FOCAD: variants seen among roughly 807,000 people sequenced by gnomAD.
FOCAD encodes focadhesin.
In FOCAD, 198 loss-of-function variants were observed where a neutral mutation model predicts 225.6. The ratio of observed to expected loss-of-function variants is 0.88; its 90% CI spans 0.78 to 0.99. The LOEUF (loss-of-function observed/expected upper bound fraction) is 0.99, where lower values mean the gene tolerates loss of function less well. Among genes scored for constraint, FOCAD ranks in the 50% least tolerant of loss-of-function variants. FOCAD has a pLI of 0.00. For missense variants in FOCAD, 2,713 were observed against 2,123.6 expected (o/e 1.28, Z -5.46); for synonymous variants, 897 against 755.0 (o/e 1.19, Z -3.08).
intron 20 of FOCAD, among the ~76,000 whole-genome samples, chr9:20,884,471 G>A (rs1012093119): frequency 1.3e-5 from 2 of 151,540 alleles, no homozygotes; most frequent in East Asian, 2.0e-4. Context: ...TAATTTTTGC[G>A]TTTTTAGTAG....
intron 7 of FOCAD, among the ~76,000 whole-genome samples, chr9:20,767,966 G>A (rs1327131540): frequency 1.3e-5 from 2 of 152,124 alleles, no homozygotes; most frequent in Admixed American, 6.6e-5. Context: ...TATGTCTAAT[G>A]TTTAAGTCTT....
At chr9:20,923,864 G>A in intron 25 of FOCAD, 96 bp downstream of exon 25, 3 of 882,140 alleles carry the variant, frequency 3.4e-6, no homozygotes, top group Middle Eastern at 2.8e-4. Flanking sequence ...TAGATTCTGT[G>A]ATTATGGCAC....
intron 10 of FOCAD, among the ~76,000 whole-genome samples, chr9:20,782,515 T>C (rs1332321): frequency 0.86 from 131,261 of 152,212 alleles, 56,644 homozygotes; most frequent in Admixed American, 0.91. Context: ...TTTTCAGTCT[T>C]GCTTTTCCTG....
At chr9:20,759,188 C>T (rs1829337594) in intron 6 of FOCAD, among the ~76,000 whole-genome samples, 1 of 152,172 alleles carries the variant, frequency 6.6e-6, no homozygotes, top group African/African-American at 2.4e-5. Context: ...AATGGCCATA[C>T]TGCCCAAGGC....
At chr9:20,805,282 G>T (rs1822300505) in intron 11 of FOCAD, among the ~76,000 whole-genome samples, 1 of 152,184 alleles carries the variant, frequency 6.6e-6, no homozygotes, top group Non-Finnish European at 1.5e-5. Context: ...ATTTTCAGAA[G>T]TGAATGAATA....
intron 19 of FOCAD, chr9:20,875,813 T>C (rs1412828923): frequency 6.6e-6 from 1 of 152,170 alleles, no homozygotes; most frequent in Non-Finnish European, 1.5e-5. Flanking sequence ...AAAAGTTATT[T>C]ACAAATTCCT....
intron 2 of FOCAD, 121 bp from the exon 3 acceptor site, chr9:20,717,673 C>A: frequency 1.4e-6 from 1 of 712,322 alleles, no homozygotes; most frequent in Non-Finnish European, 2.3e-6. Flanking sequence ...ATAGCACACA[C>A]TTAGTTAATG....
At chr9:20,975,479 A>G (rs1476454121) in intron 35 of FOCAD, among the ~76,000 whole-genome samples, 3 of 152,202 alleles carry the variant, frequency 2.0e-5, no homozygotes. Flanking sequence ...AAGGTACAGA[A>G]TGCAGTCTAG....
At chr9:20,916,487 G>A (rs1044964252) in intron 23 of FOCAD, among the ~76,000 whole-genome samples, 3 of 152,198 alleles carry the variant, frequency 2.0e-5, no homozygotes, top group African/African-American at 7.2e-5. Flanking sequence ...GTCTTAGTCA[G>A]TTTGGGCTTC....
chr9:20,929,251 C>T (rs374610572), intron 26 of FOCAD, 107 bp from the exon 27 acceptor site: 144 of 789,240 alleles, frequency 1.8e-4, no homozygotes, highest in Non-Finnish European at 2.8e-4. Flanking sequence ...GGGTGTCGGC[C>T]GGGGTGGATC....
intron 11 of FOCAD, among the ~76,000 whole-genome samples, chr9:20,798,515 C>A (rs1291691993): frequency 6.6e-6 from 1 of 152,192 alleles, no homozygotes; most frequent in Non-Finnish European, 1.5e-5. Flanking sequence ...ATTATTTCCT[C>A]AATTTCAGAG....
rs1820770938 is a variant in FOCAD at position 20,793,646 on chromosome 9, TGAG to T, written c.1455+4042_1455+4044del. ...GCATCAGAAAGGATGGAGTGGAGTT[TGAG>T]GAGAAGGAGTCCAAAACTGCATTCA... On this transcript the variant is annotated intron_variant, in intron 11 of 43. Coordinates refer to ENST00000338382, the MANE Select transcript of FOCAD (RefSeq NM_001375567.1). Among the ~76,000 whole-genome samples the T allele has an allele frequency of 5.9e-5, 9 of 152,244 alleles. No homozygotes were observed. In the South Asian group the frequency reaches 1.9e-3, roughly 32 times the overall value.
intron 8 of FOCAD, among the ~76,000 whole-genome samples, chr9:20,775,561 G>T (rs1465845945): frequency 1.3e-5 from 2 of 152,204 alleles, no homozygotes; most frequent in Non-Finnish European, 2.9e-5. Flanking sequence ...CTGGAGGATT[G>T]TGTGGGTTGG....
chr9:20,937,135 T>C (rs542046650), intron 28 of FOCAD, among the ~76,000 whole-genome samples: 18 of 150,022 alleles, frequency 1.2e-4, no homozygotes, highest in African/African-American at 4.2e-4. Flanking sequence ...ATCAATATCG[T>C]GAAAATGGCC....
chr9:20,742,351 T>C (rs992774135), intron 5 of FOCAD, among the ~76,000 whole-genome samples: 2 of 152,216 alleles, frequency 1.3e-5, no homozygotes, highest in Non-Finnish European at 2.9e-5. Flanking sequence ...TGCATCCTAA[T>C]TACTTGGGGA....
At chr9:20,943,401 A>T (rs1836862671) in intron 28 of FOCAD, among the ~76,000 whole-genome samples, 1 of 152,118 alleles carries the variant, frequency 6.6e-6, no homozygotes, top group South Asian at 2.1e-4. Flanking sequence ...TGGCACCATG[A>T]AGGGCACTGA....
chr9:20,894,816 G>T (rs900569584), intron 21 of FOCAD, among the ~76,000 whole-genome samples: 1 of 151,982 alleles, frequency 6.6e-6, no homozygotes, highest in African/African-American at 2.4e-5. Flanking sequence ...TAGATCAGAA[G>T]ATTTTTATTT....
chr9:20,991,782 C>T (rs1264495051), intron 42 of FOCAD, among the ~76,000 whole-genome samples: 3 of 130,196 alleles, frequency 2.3e-5, no homozygotes, highest in Non-Finnish European at 4.6e-5. Flanking sequence ...CGCTGCTCTG[C>T]AGCCTGGCTG....
intron 4 of FOCAD, among the ~76,000 whole-genome samples, chr9:20,723,305 T>A (rs1825933781): frequency 6.6e-6 from 1 of 152,174 alleles, no homozygotes; most frequent in Non-Finnish European, 1.5e-5. Flanking sequence ...CTGGCCAACA[T>A]GGTGAAACCC....
Sources: gnomAD v4.1 joint callset for allele counts (sites outside exome capture counted in the v4.1 genomes callset) on GRCh38, gnomAD v4.1.1 for gene constraint, MANE v1.5 for transcripts, NCBI Gene and HGNC (gene_info 2026-07-23, HGNC 2026-07-21) for gene names.